RAB37: variants seen among roughly 807,000 people sequenced by gnomAD.
RAB37 encodes RAB37, member RAS oncogene family.
A neutral mutation model predicts 33.1 loss-of-function variants in RAB37; 29 were observed. That is an observed-to-expected ratio of 0.88 (90% confidence interval 0.65 to 1.20). RAB37 has a LOEUF of 1.20. RAB37 is among the 50% of genes most tolerant of loss of function. The pLI is 0.00. For missense variants in RAB37, 299 were observed against 301.1 expected (o/e 0.99, Z 0.05); for synonymous variants, 128 against 119.5 (o/e 1.07, Z -0.47).
At chr17:74,699,577 G>A (rs2032847818) in intron 1 of RAB37, among the ~76,000 whole-genome samples, 1 of 152,088 alleles carries the variant, frequency 6.6e-6, no homozygotes, top group South Asian at 2.1e-4. Flanking sequence ...ACAAGACCGG[G>A]AACACAAAGG....
At chr17:74,700,627 G>A (rs1053296706) in intron 1 of RAB37, among the ~76,000 whole-genome samples, 5 of 151,808 alleles carry the variant, frequency 3.3e-5, no homozygotes, top group African/African-American at 1.2e-4. Context: ...CTGTAATCCT[G>A]GCTACTCCCA....
intron 1 of RAB37, chr17:74,695,783 G>A (rs1387240428): frequency 6.2e-7 from 1 of 1,614,194 alleles, no homozygotes; most frequent in East Asian, 2.2e-5. Flanking sequence ...CTTCGTGGTA[G>A]CCTTTTGCGG....
In RAB37 at chr17:74,744,806, G is replaced by C; in HGVS notation, c.433-67G>C. 1 of 1,595,056 alleles carries C rather than the reference G, an allele frequency of 6.3e-7. No individual in the cohort carries two copies. Among genetic ancestry groups the C allele is most frequent in the Non-Finnish European group, 8.6e-7 (1 of 1,162,802 alleles). On this transcript the variant is annotated intron_variant, in intron 6 of 8. Coordinates refer to ENST00000392613, the MANE Select transcript of RAB37 (RefSeq NM_001006638.3). This position sits in a 1 kb window ranked among gnomAD's most constrained non-coding sequence, Gnocchi z 4.2. Reference sequence around the variant, plus strand: ...CAGAGGGCAGGCAACGCCTGCTTCTGGGGCAAAATATGGGCCCGCTGGGGC... The same window carrying C: ...CAGAGGGCAGGCAACGCCTGCTTCTCGGGCAAAATATGGGCCCGCTGGGGC...
At chr17:74,719,705 T>C (rs1169809325) in intron 1 of RAB37, among the ~76,000 whole-genome samples, 2 of 152,060 alleles carry the variant, frequency 1.3e-5, no homozygotes, top group Admixed American at 6.5e-5. Flanking sequence ...TATTGTAGAA[T>C]AGGGTCTTCC....
intron 1 of RAB37, among the ~76,000 whole-genome samples, chr17:74,689,849 G>GT (rs11290777): frequency 6.6e-6 from 1 of 151,780 alleles, no homozygotes; most frequent in African/African-American, 2.4e-5. Flanking sequence ...CAACTCAGTA[G>GT]TTTTTTTTTC....
chr17:74,692,792 T>C (rs2032187082), intron 1 of RAB37, among the ~76,000 whole-genome samples: 1 of 152,182 alleles, frequency 6.6e-6, no homozygotes. Context: ...ATCCTGAAAT[T>C]CCTTAGGTTG....
chr17:74,745,517 G>A lies in RAB37; in HGVS notation c.*106G>A. The A allele has an allele frequency of 1.1e-6, 1 of 894,360 alleles. No homozygotes were observed. The highest frequency in any genetic ancestry group is 1.8e-6 in the Non-Finnish European group (1 of 556,102). The allele number at this position is 894,360 out of a possible 1,614,324, so 55.4% of individuals were successfully genotyped here. Reference sequence around the variant, plus strand: ...CTGAGCCAATGGGGAGAAAGATGGAGGACTCACTGCACAGCCGCTTCCTAG... The same window carrying A: ...CTGAGCCAATGGGGAGAAAGATGGAAGACTCACTGCACAGCCGCTTCCTAG... On this transcript the variant is annotated 3_prime_UTR_variant, in exon 9 of 9. Transcript: ENST00000392613. The surrounding 1 kb of genome is among the most constrained non-coding windows in gnomAD (Gnocchi z 4.5).
At chr17:74,701,977 G>C (rs1044456287) in intron 1 of RAB37, among the ~76,000 whole-genome samples, 4 of 151,606 alleles carry the variant, frequency 2.6e-5, no homozygotes, top group Admixed American at 6.6e-5. Context: ...AGCCAAGATG[G>C]CACCATGCAC....
upstream of RAB37, among the ~76,000 whole-genome samples, chr17:74,735,357 T>A (rs371842590): frequency 2.0e-5 from 3 of 152,082 alleles, no homozygotes; most frequent in East Asian, 3.9e-4. Flanking sequence ...CTGTCCAACA[T>A]GGTGAAGTTC....
intron 1 of RAB37, among the ~76,000 whole-genome samples, chr17:74,679,035 C>G (rs2031899305): frequency 1.3e-5 from 2 of 151,238 alleles, no homozygotes; most frequent in South Asian, 2.1e-4. Flanking sequence ...CACTTGAACC[C>G]GGAAGGCTGA....
At chr17:74,688,967 T>G (rs2032106932) in intron 1 of RAB37, among the ~76,000 whole-genome samples, 1 of 152,188 alleles carries the variant, frequency 6.6e-6, no homozygotes, top group African/African-American at 2.4e-5. Context: ...TACTTGCTAA[T>G]AACTACACAT....
chr17:74,722,033 C>T (rs537645993), intron 1 of RAB37, among the ~76,000 whole-genome samples: 1 of 152,148 alleles, frequency 6.6e-6, no homozygotes, highest in African/African-American at 2.4e-5. Context: ...CAGTGGCTCA[C>T]GCCTGTAATC....
chr17:74,675,040 T>C (rs563306252), intron 1 of RAB37, among the ~76,000 whole-genome samples: 14 of 152,220 alleles, frequency 9.2e-5, no homozygotes, highest in Non-Finnish European at 1.9e-4. Context: ...TTAATTTTCT[T>C]AGCTATAAAA....
chr17:74,680,031 A>G (rs1222881412), intron 1 of RAB37, among the ~76,000 whole-genome samples: 1 of 151,930 alleles, frequency 6.6e-6, no homozygotes, highest in Non-Finnish European at 1.5e-5. Flanking sequence ...GCTCAAGGTC[A>G]TAGCCAGCAT....
At chr17:74,684,526 G>A (rs1319281218) in intron 1 of RAB37, among the ~76,000 whole-genome samples, 2 of 151,940 alleles carry the variant, frequency 1.3e-5, no homozygotes, top group African/African-American at 2.4e-5. Context: ...GGTGGCTTAC[G>A]CCTATAATCC....
upstream of RAB37, among the ~76,000 whole-genome samples, chr17:74,732,607 G>C (rs1371095790): frequency 2.6e-5 from 4 of 151,994 alleles, no homozygotes; most frequent in Non-Finnish European, 2.9e-5. Flanking sequence ...AGGTGTGTGT[G>C]TCTGGGGTGT....
chr17:74,684,229 G>T (rs1193840968), intron 1 of RAB37, among the ~76,000 whole-genome samples: 4 of 151,618 alleles, frequency 2.6e-5, no homozygotes, highest in Non-Finnish European at 4.4e-5. Context: ...CTCCTGAGCA[G>T]CTAGGATTAC....
chr17:74,684,299 G>C (rs2032011008), intron 1 of RAB37, among the ~76,000 whole-genome samples: 1 of 149,858 alleles, frequency 6.7e-6, no homozygotes, highest in East Asian at 2.0e-4. Context: ...GATGGTATTG[G>C]CCAGGCTGGT....
At position 74,701,104 on chromosome 17, in the gene RAB37, T is replaced by C. The variant is rs190053642; in HGVS notation, c.73-28152T>C. ...TTTAGCCTCCAGAATTGTGAGAAAA[T>C]AAATTTTTGTGATTTAAGCCCCCAT... is the stretch of plus-strand genomic sequence containing the variant. On this transcript the variant is annotated intron_variant, in intron 1 of 7. Coordinates refer to the RAB37 transcript ENST00000340415. Among the ~76,000 whole-genome samples, 511 of 152,292 alleles carry C rather than the reference T, an allele frequency of 3.4e-3. 2 individuals carry two copies. The highest frequency in any genetic ancestry group is 0.014 in the Middle Eastern group (4 of 294).
Sources: gnomAD v4.1 joint callset for allele counts (sites outside exome capture counted in the v4.1 genomes callset) on GRCh38, gnomAD v4.1.1 for gene constraint, Gnocchi (gnomAD v3.1) non-coding constraint, MANE v1.5 for transcripts, NCBI Gene and HGNC (gene_info 2026-07-23, HGNC 2026-07-21) for gene names.